Variants in HEXB observed in about 807,000 individuals in gnomAD.
HEXB encodes the protein beta-hexosaminidase subunit beta.
In HEXB, 51 loss-of-function variants were observed where a neutral mutation model predicts 71.2. The observed-to-expected ratio is 0.72, with a 90% CI of 0.57 to 0.90. The LOEUF (loss-of-function observed/expected upper bound fraction) is 0.90. HEXB is among the 40% of genes least tolerant of loss of function. HEXB has a pLI of 0.00. For synonymous variants in HEXB, 266 were observed against 249.3 expected (o/e 1.07, Z -0.63); for missense variants, 617 against 677.0 (o/e 0.91, Z 0.98).
At chr5:74,655,882 C>T (rs1436283780) in intron 1 of HEXB, among the ~76,000 whole-genome samples, 1 of 152,154 alleles carries the variant, frequency 6.6e-6, no homozygotes. Context: ...GATAATACAG[C>T]TGTCAGTAGC....
intron 1 of HEXB, among the ~76,000 whole-genome samples, chr5:74,661,289 G>A (rs552777870): frequency 6.6e-6 from 1 of 152,258 alleles, no homozygotes; most frequent in South Asian, 2.1e-4. Flanking sequence ...GACTGAGAAC[G>A]AGAATGGGGT....
In HEXB at chr5:74,713,139, G is replaced by GA. The variant is rs542714826; in HGVS notation, c.772-364dup. 2.3e-3 allele frequency among the ~76,000 whole-genome samples: 345 copies of GA among 152,302 alleles called. 4 individuals carry two copies. Among genetic ancestry groups the GA allele is most frequent in the African/African-American group, 7.6e-3 (314 of 41,576 alleles). On this transcript the variant is annotated intron_variant, in intron 6 of 13. Coordinates refer to ENST00000261416, the MANE Select transcript of HEXB (RefSeq NM_000521.4). ...TGGAAGTTGAAACAGCATGATAGTA[G>GA]AAACTCTTGAAACAGGAGGCACTGA... is the stretch of plus-strand genomic sequence containing the variant.
At chr5:74,701,990 C>T (rs916684753) in intron 5 of HEXB, among the ~76,000 whole-genome samples, 2 of 151,730 alleles carry the variant, frequency 1.3e-5, no homozygotes, top group Admixed American at 6.6e-5. Flanking sequence ...TTCCACATCC[C>T]ATCCAAAATC....
chr5:74,642,725 T>G (rs1747927361), intron 1 of HEXB, among the ~76,000 whole-genome samples: 1 of 151,848 alleles, frequency 6.6e-6, no homozygotes, highest in Non-Finnish European at 1.5e-5. Context: ...GGGACAGGTA[T>G]GTATCTTTAC....
intron 5 of HEXB, among the ~76,000 whole-genome samples, chr5:74,704,540 G>A (rs1357166383): frequency 1.3e-5 from 2 of 152,074 alleles, no homozygotes; most frequent in East Asian, 1.9e-4. Context: ...AGAACTGTGG[G>A]AATTATAAGT....
chr5:74,696,666 TA>T (rs764822689), intron 3 of HEXB, 26 bp from the exon 4 acceptor site: 9 of 1,188,138 alleles, frequency 7.6e-6, no homozygotes, highest in Non-Finnish European at 1.1e-5. Flanking sequence ...ATTTATAAAT[TA>T]ATGCAATAAA....
chr5:74,708,361 A>C (rs568089807), intron 6 of HEXB, among the ~76,000 whole-genome samples: 31 of 151,832 alleles, frequency 2.0e-4, no homozygotes, highest in African/African-American at 7.3e-4. Flanking sequence ...GACCATCGAG[A>C]CTAGGAAGAA....
intron 1 of HEXB, among the ~76,000 whole-genome samples, chr5:74,672,414 T>C (rs1033607181): frequency 5.3e-5 from 8 of 152,236 alleles, no homozygotes; most frequent in Non-Finnish European, 8.8e-5. Context: ...CTTCCACCAG[T>C]GCCAGCTGCC....
chr5:74,663,851 C>A (rs1019482069), intron 1 of HEXB, among the ~76,000 whole-genome samples: 10 of 152,244 alleles, frequency 6.6e-5, no homozygotes, highest in African/African-American at 2.4e-4. Context: ...TGGGGCCAGG[C>A]GTGGGGGCTC....
chr5:74,718,344 T>C lies in HEXB; in HGVS notation c.1223T>C (p.Val408Ala), dbSNP rs200912276. The C allele has an allele frequency of 3.1e-6, 5 of 1,610,032 alleles. No homozygotes were observed. Among genetic ancestry groups the C allele is most frequent in the Non-Finnish European group, 4.2e-6 (5 of 1,176,756 alleles). Residue 408 changes from valine (V) to alanine (A), a missense_variant, in exon 10 of 14, where the codon GTT becomes GCT. Physicochemically the swap from Val to Ala is moderately conservative, Grantham distance 64 (BLOSUM62 0). Transcript: ENST00000261416. ...INKGSIVWQE[V>A]FDDKAKLAPG... ...AAGGGATCCATTGTCTGGCAGGAGG[T>C]TTTTGATGATAAAGCAAAGGTGAGC...
Position 74,718,931 on chromosome 5 carries a change from T to C in HEXB, c.1377T>C (p.Asp459=), listed in dbSNP as rs993387563. 1 of 1,614,144 alleles carries C rather than the reference T, an allele frequency of 6.2e-7. No homozygotes were observed. The highest frequency in any genetic ancestry group is 1.3e-5 in the African/African-American group (1 of 75,036). The stretch of plus-strand genomic sequence containing the variant: ...TAGATTTGATTAGCTATGGACAAGA[T>C]TGGAGGAAATACTATAAAGTGGAAC... ...WYLDLISYGQ[D]WRKYYKVEPL... Residue 459 remains aspartate (D), a synonymous_variant, in exon 11 of 14, where the codon GAT becomes GAC. Transcript: ENST00000261416.
upstream of HEXB, chr5:74,685,149 C>A: frequency 5.8e-6 from 7 of 1,204,642 alleles, 1 homozygote; most frequent in Admixed American, 3.3e-5. Context: ...CGCGCGCAGT[C>A]ATCTGACTCG....
intron 1 of HEXB, among the ~76,000 whole-genome samples, chr5:74,659,175 C>T (rs527378957): frequency 6.6e-6 from 1 of 152,270 alleles, no homozygotes; most frequent in East Asian, 1.9e-4. Context: ...TCCCAACATA[C>T]TTTGAGAATA....
chr5:74,720,817 T>C, intron 13 of HEXB, 70 bp downstream of exon 13: 2 of 1,206,518 alleles, frequency 1.7e-6, no homozygotes, highest in Non-Finnish European at 2.4e-6. Flanking sequence ...TTGCTATAAA[T>C]AGAAATGTAT....
At chr5:74,714,202 G>A (rs1749621325) in intron 7 of HEXB, among the ~76,000 whole-genome samples, 1 of 152,166 alleles carries the variant, frequency 6.6e-6, no homozygotes, top group Non-Finnish European at 1.5e-5. Context: ...TTATGACCTA[G>A]TGTTTGCTCA....
intron 1 of HEXB, among the ~76,000 whole-genome samples, chr5:74,651,469 A>G (rs1420499643): frequency 1.3e-5 from 2 of 152,236 alleles, no homozygotes; most frequent in Admixed American, 1.3e-4. Flanking sequence ...AAAGTCTAAC[A>G]AAACATTTCA....
rs139129900 is a variant in HEXB at position 74,720,447 on chromosome 5, A to C, written c.1437A>C (p.Gln479His). ...ATTTAGGTACTCAGAAACAGAAACA[A>C]CTTTTCATTGGTGGAGAAGCTTGTC... ...LDFGGTQKQKQLFIGGEACLW... is the reference protein window; with the variant it reads ...LDFGGTQKQKHLFIGGEACLW... Residue 479 changes from glutamine (Q) to histidine (H), a missense_variant, in exon 12 of 14, where the codon CAA (glutamine) becomes CAC (histidine). Transcript: ENST00000261416. 6.1e-5 allele frequency: 98 copies of C among 1,612,980 alleles called. 1 individual carries two copies. In the African/African-American group the frequency reaches 1.2e-3, roughly 20 times the overall value.
At position 74,705,617 on chromosome 5, in the gene HEXB, T is replaced by G. The variant is rs1234123862; in HGVS notation, c.771+297T>G. 1.1e-4 allele frequency: 37 copies of G among 336,550 alleles called. No individual in the cohort carries two copies. In the East Asian group the frequency reaches 2.1e-3, roughly 19 times the overall value. 20.8% of individuals were successfully genotyped at this position (336,550 alleles called of 1,614,324 possible). The stretch of plus-strand genomic sequence containing the variant: ...CTCAAATTACATATGGTTAAGATAA[T>G]ATATTTATCAAGTTGTCCAACAGTG... On this transcript the variant is annotated intron_variant, in intron 6 of 13. Coordinates refer to ENST00000261416, the MANE Select transcript of HEXB (RefSeq NM_000521.4).
At chr5:74,683,492 T>C (rs1459369184), upstream of HEXB, among the ~76,000 whole-genome samples, 10 of 151,958 alleles carry the variant, frequency 6.6e-5, no homozygotes, top group Non-Finnish European at 1.3e-4. Flanking sequence ...TTAGTAGAGA[T>C]GAGGTTTCAC....
Sources: allele counts gnomAD v4.1 joint callset (sites outside exome capture counted in the v4.1 genomes callset), GRCh38; gene constraint gnomAD v4.1.1; transcripts MANE v1.5; gene names NCBI Gene and HGNC (gene_info 2026-07-23, HGNC 2026-07-21).